Variants in PIK3CB observed in about 807,000 individuals in gnomAD.
The protein encoded by PIK3CB is phosphatidylinositol 4,5-bisphosphate 3-kinase catalytic subunit beta isoform.
In PIK3CB, 39 loss-of-function variants were observed where a neutral mutation model predicts 136.8. The observed-to-expected ratio is 0.29, with a 90% CI of 0.22 to 0.37. PIK3CB has a LOEUF of 0.37. Among genes scored for constraint, PIK3CB ranks in the 10% least tolerant of loss-of-function variants. The pLI, the probability that PIK3CB is intolerant of heterozygous loss-of-function variation, is 1.00. For missense variants in PIK3CB, 868 were observed against 1,275.4 expected (o/e 0.68, Z 4.87); for synonymous variants, 428 against 436.6 (o/e 0.98, Z 0.25).
chr3:138,739,849 C>T (rs985524547), intron 5 of PIK3CB, among the ~76,000 whole-genome samples: 2 of 148,348 alleles, frequency 1.3e-5, no homozygotes, highest in African/African-American at 2.5e-5. Context: ...TGCAGTGAGC[C>T]GAGATCGTGC....
In PIK3CB at chr3:138,718,727, G is replaced by A. The variant is rs115591002; in HGVS notation, c.1051-4008C>T. ...CCTTGAGTTGACTTTTGTTTATGGT[G>A]TAAGGAAGGAGTCCAGCTTCAATCA... On this transcript the variant is annotated intron_variant, in intron 8 of 23. Transcript: ENST00000674063. 9.0e-3 allele frequency among the ~76,000 whole-genome samples: 1,375 copies of A among 152,266 alleles called. 29 individuals carry two copies. The highest frequency in any genetic ancestry group is 0.03 in the African/African-American group (1,243 of 41,552).
intron 15 of PIK3CB, among the ~76,000 whole-genome samples, chr3:138,690,522 T>C (rs998572556): frequency 2.0e-5 from 3 of 151,852 alleles, no homozygotes; most frequent in Non-Finnish European, 2.9e-5. Context: ...AATAAAGAAA[T>C]TGAATAAAAT....
intron 2 of PIK3CB, among the ~76,000 whole-genome samples, chr3:138,791,397 A>G (rs113531675): frequency 0.038 from 5,829 of 151,884 alleles, 382 homozygotes; most frequent in African/African-American, 0.13. Flanking sequence ...AGCCTCCCCA[A>G]CTGTTGGGAT....
intron 17 of PIK3CB, 62 bp from the exon 18 acceptor site, chr3:138,683,849 A>G: frequency 1.2e-6 from 1 of 869,190 alleles, no homozygotes; most frequent in East Asian, 2.4e-5. Context: ...TTATAATTTT[A>G]CCACTATATA....
chr3:138,703,943 C>T (rs571237921), intron 12 of PIK3CB, among the ~76,000 whole-genome samples: 1 of 152,242 alleles, frequency 6.6e-6, no homozygotes, highest in Admixed American at 6.5e-5. Flanking sequence ...GGTGTGACCA[C>T]TACTATTGTT....
chr3:138,663,296 T>G (rs1044815193), intron 21 of PIK3CB, among the ~76,000 whole-genome samples: 2 of 152,230 alleles, frequency 1.3e-5, no homozygotes, highest in Non-Finnish European at 2.9e-5. Flanking sequence ...ATCCAGTACA[T>G]TATCCGCTCC....
intron 2 of PIK3CB, among the ~76,000 whole-genome samples, chr3:138,765,051 G>A (rs1047419226): frequency 2.0e-5 from 3 of 152,168 alleles, no homozygotes; most frequent in Admixed American, 1.3e-4. Flanking sequence ...AGGAGGCCGG[G>A]CACAGTGGCT....
chr3:138,740,955 C>T (rs1559854435), intron 5 of PIK3CB, among the ~76,000 whole-genome samples: 1 of 152,296 alleles, frequency 6.6e-6, no homozygotes, highest in East Asian at 1.9e-4. Flanking sequence ...TCAAGTTGAA[C>T]TCTCATCACC....
intron 1 of PIK3CB, among the ~76,000 whole-genome samples, chr3:138,804,849 C>T (rs2046214207): frequency 6.6e-6 from 1 of 151,800 alleles, no homozygotes; most frequent in Admixed American, 6.6e-5. Flanking sequence ...ATGGTGAAAC[C>T]CCGTCTCTAC....
intron 8 of PIK3CB, among the ~76,000 whole-genome samples, chr3:138,732,981 C>A (rs2045018506): frequency 6.6e-6 from 1 of 151,390 alleles, no homozygotes; most frequent in African/African-American, 2.4e-5. Flanking sequence ...TGTACATTAG[C>A]TCTCTAGAAT....
At chr3:138,739,131 T>C (rs1385431920) in intron 5 of PIK3CB, among the ~76,000 whole-genome samples, 1 of 152,104 alleles carries the variant, frequency 6.6e-6, no homozygotes, top group Admixed American at 6.6e-5. Context: ...TCCTCATGAA[T>C]GGGATTAGTG....
intron 14 of PIK3CB, among the ~76,000 whole-genome samples, chr3:138,691,838 C>T (rs1309565003): frequency 1.3e-5 from 2 of 152,106 alleles, no homozygotes; most frequent in African/African-American, 4.8e-5. Flanking sequence ...ATACTGATTT[C>T]TGATCATGCT....
chr3:138,750,311 C>T (rs2045444975), intron 4 of PIK3CB, among the ~76,000 whole-genome samples: 2 of 151,734 alleles, frequency 1.3e-5, no homozygotes, highest in Non-Finnish European at 2.9e-5. Context: ...TATTTTGAAA[C>T]ATACAATACA....
In PIK3CB at chr3:138,803,400, C is replaced by T. The variant is rs143952602; in HGVS notation, c.-121-6833G>A. 4.7e-3 allele frequency among the ~76,000 whole-genome samples: 722 copies of T among 152,144 alleles called. 5 individuals carry two copies. Among genetic ancestry groups the T allele is most frequent in the African/African-American group, 0.016 (653 of 41,502 alleles). ...TTTGCATTAGTTTCTAAATCAATAC[C>T]TCTTTCCATTTCTATGAATGACCTC... On this transcript the variant is annotated intron_variant, in intron 1 of 23. Coordinates refer to ENST00000674063, the MANE Select transcript of PIK3CB (RefSeq NM_006219.3).
In PIK3CB at chr3:138,759,287, C is replaced by T. The variant is rs140860592; in HGVS notation, c.57G>A (p.Ala19=). 246 of 1,612,442 alleles carry T rather than the reference C, an allele frequency of 1.5e-4. No homozygotes were observed. The highest frequency in any genetic ancestry group is 2.0e-4 in the Non-Finnish European group (235 of 1,178,696). The change falls in exon 3 of 24, where the codon GCG becomes GCA. Residue 19 remains alanine, a synonymous_variant. Transcript: ENST00000674063. ...PAMADILDIW[A]VDSQIASDGS... is the part of the protein sequence containing the mutation. The stretch of plus-strand genomic sequence containing the variant: ...CATCAGATGCTATCTGTGAATCCAC[C>T]GCCCAGATGTCAAGGATGTCTGCCA...
intron 16 of PIK3CB, chr3:138,685,074 T>C: frequency 3.1e-6 from 1 of 321,692 alleles, no homozygotes; most frequent in Non-Finnish European, 5.8e-6. Flanking sequence ...AGACTTAGAT[T>C]ATGGGTACTT....
At chr3:138,734,610 T>G in intron 7 of PIK3CB, 24 bp downstream of exon 7, 2 of 1,564,672 alleles carry the variant, frequency 1.3e-6, no homozygotes, top group Non-Finnish European at 1.8e-6. Flanking sequence ...TTGGGGTTAC[T>G]AAAGGTTCAG....
chr3:138,695,396 C>T (rs1444409985), intron 13 of PIK3CB, among the ~76,000 whole-genome samples: 1 of 152,124 alleles, frequency 6.6e-6, no homozygotes, highest in Non-Finnish European at 1.5e-5. Context: ...GGAGAGGTGG[C>T]CTGCAAGCTT....
chr3:138,755,405 G>A (rs1335270831), intron 4 of PIK3CB, among the ~76,000 whole-genome samples: 1 of 152,168 alleles, frequency 6.6e-6, no homozygotes, highest in African/African-American at 2.4e-5. Context: ...ACTTTGGGGG[G>A]CCAAGGTAGG....
Sources: allele counts gnomAD v4.1 joint callset (sites outside exome capture counted in the v4.1 genomes callset), GRCh38; gene constraint gnomAD v4.1.1; transcripts MANE v1.5; gene names NCBI Gene and HGNC (gene_info 2026-07-23, HGNC 2026-07-21).